LRRTM4: variants seen among roughly 807,000 people sequenced by gnomAD.
LRRTM4 encodes leucine-rich repeat transmembrane neuronal protein 4.
In LRRTM4, 25 loss-of-function variants were observed where a neutral mutation model predicts 47.6. The ratio of observed to expected loss-of-function variants is 0.53; its 90% CI spans 0.38 to 0.73. The LOEUF is 0.73. Ranked by LOEUF, LRRTM4 falls within the 30% of genes least tolerant of loss-of-function variation. LRRTM4 has a pLI of 0.00. For synonymous variants in LRRTM4, 311 were observed against 269.5 expected (o/e 1.15, Z -1.51); for missense variants, 638 against 713.4 (o/e 0.89, Z 1.20).
intron 3 of LRRTM4, among the ~76,000 whole-genome samples, chr2:77,099,872 A>G (rs1038083400): frequency 6.6e-6 from 1 of 152,104 alleles, no homozygotes; most frequent in Non-Finnish European, 1.5e-5. Flanking sequence ...AAATAATAAT[A>G]TATTATTCAC....
At chr2:77,492,189 G>T (rs1322190575) in intron 3 of LRRTM4, among the ~76,000 whole-genome samples, 2 of 151,980 alleles carry the variant, frequency 1.3e-5, no homozygotes, top group Non-Finnish European at 1.5e-5. Context: ...TTTAAGTCAA[G>T]TTCACAAAAT....
intron 3 of LRRTM4, among the ~76,000 whole-genome samples, chr2:77,334,865 C>T (rs1489700844): frequency 6.6e-6 from 1 of 152,080 alleles, no homozygotes; most frequent in Non-Finnish European, 1.5e-5. Flanking sequence ...GGCAGTTGCC[C>T]TCATTTTCAA....
intron 3 of LRRTM4, among the ~76,000 whole-genome samples, chr2:77,168,402 GT>G (rs531234378): frequency 6.6e-6 from 1 of 151,876 alleles, no homozygotes; most frequent in Admixed American, 6.6e-5. Flanking sequence ...TACATTTCTA[GT>G]TTTTTGTTAG....
intron 3 of LRRTM4, among the ~76,000 whole-genome samples, chr2:77,309,339 T>G (rs1234163723): frequency 6.6e-6 from 1 of 152,204 alleles, no homozygotes; most frequent in African/African-American, 2.4e-5. Context: ...TAAACTTCGT[T>G]GACCTTCTAA....
At chr2:77,171,162 A>G (rs547057600) in intron 3 of LRRTM4, among the ~76,000 whole-genome samples, 1 of 152,226 alleles carries the variant, frequency 6.6e-6, no homozygotes, top group African/African-American at 2.4e-5. Context: ...GTGCAAATCA[A>G]TGCTTGGTTT....
chr2:77,288,108 G>A (rs1034587903), intron 3 of LRRTM4, among the ~76,000 whole-genome samples: 3 of 151,970 alleles, frequency 2.0e-5, no homozygotes, highest in African/African-American at 7.2e-5. Flanking sequence ...TATGACCCAA[G>A]AGAAATTCTA....
Position 76,993,526 on chromosome 2 carries a change from C to T in LRRTM4, c.1552-244610G>A, listed in dbSNP as rs140840833. Reference sequence around the variant, plus strand: ...AATAAATTCCAACATTACTAATAATCGGAGAAATGTGAATCAAAACCACAG... The same window carrying T: ...AATAAATTCCAACATTACTAATAATTGGAGAAATGTGAATCAAAACCACAG... On this transcript the variant is annotated intron_variant, in intron 3 of 3. Coordinates refer to ENST00000409884, the MANE Select transcript of LRRTM4 (RefSeq NM_001134745.3). Among the ~76,000 whole-genome samples, 155 of 151,920 alleles carry T rather than the reference C, an allele frequency of 1.0e-3. 1 individual carries two copies. Among genetic ancestry groups the T allele is most frequent in the African/African-American group, 3.6e-3 (148 of 41,496 alleles).
intron 3 of LRRTM4, among the ~76,000 whole-genome samples, chr2:77,193,817 G>T (rs555273898): frequency 6.6e-6 from 1 of 152,282 alleles, no homozygotes; most frequent in African/African-American, 2.4e-5. Context: ...ATGTGCAACT[G>T]CTGCACACTT....
At chr2:76,908,028 G>A (rs527497987) in intron 3 of LRRTM4, among the ~76,000 whole-genome samples, 1 of 151,696 alleles carries the variant, frequency 6.6e-6, no homozygotes, top group South Asian at 2.1e-4. Context: ...AAGCTGGGCA[G>A]AGACACAGCC....
intron 3 of LRRTM4, among the ~76,000 whole-genome samples, chr2:77,505,550 A>G (rs2104088928): frequency 6.6e-6 from 1 of 151,656 alleles, no homozygotes; most frequent in Admixed American, 6.6e-5. Flanking sequence ...ATAGTCATTT[A>G]ATGGTATTCT....
At chr2:77,034,423 A>G (rs984803815) in intron 3 of LRRTM4, among the ~76,000 whole-genome samples, 1 of 151,930 alleles carries the variant, frequency 6.6e-6, no homozygotes, top group South Asian at 2.1e-4. Flanking sequence ...ATCAATATGC[A>G]CATTCCTAGA....
chr2:76,906,142 G>A (rs112094386), intron 3 of LRRTM4, among the ~76,000 whole-genome samples: 22,013 of 152,174 alleles, frequency 0.14, 1,999 homozygotes, highest in Admixed American at 0.22. Context: ...ACTAACAGCT[G>A]ATCTCTCAGC....
At chr2:77,358,048 C>A (rs1367119235) in intron 3 of LRRTM4, among the ~76,000 whole-genome samples, 1 of 152,062 alleles carries the variant, frequency 6.6e-6, no homozygotes, top group East Asian at 1.9e-4. Context: ...TAAATCATTT[C>A]TTTAACCTTT....
At chr2:77,115,181 T>G (rs1396983768) in intron 3 of LRRTM4, among the ~76,000 whole-genome samples, 1 of 152,188 alleles carries the variant, frequency 6.6e-6, no homozygotes, top group Non-Finnish European at 1.5e-5. Flanking sequence ...ATATTTCTCC[T>G]ACTTGCATGT....
chr2:77,001,896 C>T (rs1179353984), intron 3 of LRRTM4, among the ~76,000 whole-genome samples: 2 of 152,120 alleles, frequency 1.3e-5, no homozygotes, highest in African/African-American at 2.4e-5. Flanking sequence ...ACATCAACTT[C>T]AGCTCACCCC....
chr2:76,848,053 C>T (rs1444528312), intron 3 of LRRTM4, among the ~76,000 whole-genome samples: 1 of 152,034 alleles, frequency 6.6e-6, no homozygotes, highest in Non-Finnish European at 1.5e-5. Flanking sequence ...TTTTTCCATC[C>T]AGAGAGCTCA....
At chr2:77,509,048 A>G (rs905007058) in intron 3 of LRRTM4, among the ~76,000 whole-genome samples, 2 of 152,080 alleles carry the variant, frequency 1.3e-5, no homozygotes, top group African/African-American at 4.8e-5. Context: ...CCTGGCCAAC[A>G]TGGTGAAACC....
At chr2:77,003,372 A>C (rs919807662) in intron 3 of LRRTM4, among the ~76,000 whole-genome samples, 2 of 151,800 alleles carry the variant, frequency 1.3e-5, no homozygotes, top group African/African-American at 4.8e-5. Context: ...CCCCACCGAA[A>C]TCTCACCTTG....
chr2:77,204,762 T>A (rs953471677), intron 3 of LRRTM4, among the ~76,000 whole-genome samples: 8 of 152,194 alleles, frequency 5.3e-5, no homozygotes, highest in African/African-American at 2.4e-5. Flanking sequence ...CTTCAACTTA[T>A]GTCCTACACC....
Sources: allele counts gnomAD v4.1 joint callset (sites outside exome capture counted in the v4.1 genomes callset), GRCh38; gene constraint gnomAD v4.1.1; transcripts MANE v1.5; gene names NCBI Gene and HGNC (gene_info 2026-07-23, HGNC 2026-07-21).